ANKRD36C: variants seen among roughly 807,000 people sequenced by gnomAD.
The protein encoded by ANKRD36C is ankyrin repeat domain-containing protein 36C.
ANKRD36C carries 61 observed loss-of-function variants against 276.4 expected under a neutral mutation model. The ratio of observed to expected loss-of-function variants is 0.22; its 90% CI spans 0.18 to 0.27. The LOEUF is 0.27. Ranked by LOEUF, ANKRD36C falls within the 10% of genes least tolerant of loss-of-function variation. The probability of loss-of-function intolerance (pLI) is 1.00; values close to 1 mark genes in which losing one functional copy is unlikely to be tolerated. For missense variants in ANKRD36C, 1,447 were observed against 2,032.3 expected (o/e 0.71, Z 5.54); for synonymous variants, 483 against 680.1 (o/e 0.71, Z 4.51).
At chr2:95,865,907 C>CA (rs1184534905) in intron 60 of ANKRD36C, among the ~76,000 whole-genome samples, 2 of 151,996 alleles carry the variant, frequency 1.3e-5, no homozygotes, top group East Asian at 3.9e-4. Flanking sequence ...GCTTTTGACT[C>CA]AAACACTGGG....
At chr2:95,932,668 G>C (rs1677601322) in intron 24 of ANKRD36C, among the ~76,000 whole-genome samples, 1 of 152,148 alleles carries the variant, frequency 6.6e-6, no homozygotes, top group Non-Finnish European at 1.5e-5. Flanking sequence ...GTCTTAAAAG[G>C]CTGTGTCTAC....
At chr2:95,925,606 C>T (rs1363571757) in intron 28 of ANKRD36C, 59 bp from the exon 29 acceptor site, 39 of 1,474,248 alleles carry the variant, frequency 2.6e-5, no homozygotes, top group Non-Finnish European at 3.5e-5. Flanking sequence ...GTCGTCCACA[C>T]ATTCATGCAG....
rs528266234 is a variant in ANKRD36C at position 95,934,887 on chromosome 2, A to T, written c.1735+567T>A. Among the ~76,000 whole-genome samples, 19 of 152,358 alleles carry T rather than the reference A, an allele frequency of 1.2e-4. No homozygotes were observed. The East Asian group carries it at 3.7e-3, about 30-fold the overall frequency. On this transcript the variant is annotated intron_variant, in intron 24 of 66. Coordinates refer to ENST00000456556, the Ensembl canonical transcript of ANKRD36C. ...AAAACCCTGTATCTACCAAAGAGTC[A>T]CCAAAAAATGATTAATGACTTTACT...
chr2:95,967,554 T>A (rs954483908), intron 6 of ANKRD36C, among the ~76,000 whole-genome samples: 1 of 152,094 alleles, frequency 6.6e-6, no homozygotes, highest in Non-Finnish European at 1.5e-5. Flanking sequence ...TGTCAATTAG[T>A]TCAACCATTG....
intron 34 of ANKRD36C, among the ~76,000 whole-genome samples, chr2:95,919,066 A>C (rs1309257555): frequency 7.3e-6 from 1 of 136,212 alleles, no homozygotes; most frequent in Non-Finnish European, 1.7e-5. Flanking sequence ...AGTAACAAAA[A>C]GGAGTAATGA....
chr2:95,980,576 A>G, intron 5 of ANKRD36C, 72 bp downstream of exon 5: 1 of 1,541,630 alleles, frequency 6.5e-7, no homozygotes, highest in Non-Finnish European at 8.8e-7. Context: ...CACCTGATAT[A>G]TAAGATGCAA....
chr2:95,884,182 A>G, exon 54 of ANKRD36C: 1 of 1,607,560 alleles, frequency 6.2e-7, no homozygotes, highest in African/African-American at 1.3e-5. Context: ...CCTGTCCCAG[A>G]TTTTTCTCCA....
At chr2:95,889,686 G>T (rs1676287453) in intron 48 of ANKRD36C, 113 bp downstream of exon 68, 1 of 1,388,258 alleles carries the variant, frequency 7.2e-7, no homozygotes, top group Non-Finnish European at 9.9e-7. Flanking sequence ...ATAATCTCAG[G>T]AATACTGAAT....
At chr2:95,892,372 T>C (rs1676394575) in intron 44 of ANKRD36C, among the ~76,000 whole-genome samples, 1 of 151,504 alleles carries the variant, frequency 6.6e-6, no homozygotes, top group African/African-American at 2.4e-5. Flanking sequence ...TCAGTGGAAG[T>C]GTGCTAAATT....
intron 63 of ANKRD36C, among the ~76,000 whole-genome samples, chr2:95,854,158 G>A (rs538826779): frequency 3.3e-5 from 5 of 151,886 alleles, no homozygotes; most frequent in South Asian, 2.1e-4. Context: ...AAAGAAATGA[G>A]TATGTGGGTG....
chr2:95,887,573 T>G (rs368381824), intron 50 of ANKRD36C, among the ~76,000 whole-genome samples: 1 of 151,752 alleles, frequency 6.6e-6, no homozygotes, highest in African/African-American at 2.4e-5. Flanking sequence ...AGCAGTATGA[T>G]GTGACATCTA....
rs1396712888 is a variant in ANKRD36C, at chr2:95,887,780, C to T, written c.3061+145G>A. 6 of 1,055,614 alleles carry T rather than the reference C, an allele frequency of 5.7e-6. No homozygotes were observed. The Admixed American group carries it at 1.2e-4, about 22-fold the overall frequency. 65.4% of individuals were successfully genotyped at this position (1,055,614 alleles called of 1,614,324 possible). A position where few individuals can be genotyped will look rare whatever the true frequency, so the allele number is the denominator to read the frequency against. On this transcript the variant is annotated intron_variant, in intron 50 of 66. Transcript: ENST00000456556. The stretch of plus-strand genomic sequence containing the variant: ...CCAAGACCAGCAGCATCAGCGTCAC[C>T]CAAGAACTTATTAAAAATGAAGAAT...
chr2:95,910,124 T>C lies in ANKRD36C; in HGVS notation c.2653+2120A>G, dbSNP rs545789246. Among the ~76,000 whole-genome samples, 634 of 151,276 alleles carry C rather than the reference T, an allele frequency of 4.2e-3. 3 individuals are homozygous for C. The highest frequency in any genetic ancestry group is 6.8e-3 in the Middle Eastern group (2 of 294). Reference sequence around the variant, plus strand: ...AACTATGCTGTTCCCCAGAGCCCCTTATGTCTTCAACTGCTCTCCATATAT... The same window carrying C: ...AACTATGCTGTTCCCCAGAGCCCCTCATGTCTTCAACTGCTCTCCATATAT... On this transcript the variant is annotated intron_variant, in intron 42 of 66. Transcript: ENST00000456556.
chr2:95,953,498 C>T (rs11683204), intron 14 of ANKRD36C, among the ~76,000 whole-genome samples: 49,126 of 151,520 alleles, frequency 0.32, 9,273 homozygotes, highest in East Asian at 0.48. Context: ...AAACTATATG[C>T]TATGTGTAAC....
At chr2:95,930,493 A>G (rs982662315) in intron 24 of ANKRD36C, among the ~76,000 whole-genome samples, 2 of 151,816 alleles carry the variant, frequency 1.3e-5, no homozygotes, top group East Asian at 1.9e-4. Flanking sequence ...TCCTGGATTC[A>G]GCAGTTCAAC....
At chr2:95,913,763 G>T (rs1254588624) in intron 40 of ANKRD36C, among the ~76,000 whole-genome samples, 2 of 151,404 alleles carry the variant, frequency 1.3e-5, no homozygotes, top group Non-Finnish European at 3.0e-5. Context: ...ATGATCTGAA[G>T]TGTGTAAATT....
At chr2:95,956,503 T>C (rs1293136996) in intron 13 of ANKRD36C, among the ~76,000 whole-genome samples, 2 of 152,026 alleles carry the variant, frequency 1.3e-5, no homozygotes, top group Non-Finnish European at 2.9e-5. Flanking sequence ...ATGAAGTGAT[T>C]AGAGAGCCAG....
chr2:95,962,192 A>T (rs1223851961), intron 8 of ANKRD36C, among the ~76,000 whole-genome samples, 160 bp downstream of exon 8: 1 of 152,072 alleles, frequency 6.6e-6, no homozygotes, highest in Admixed American at 6.6e-5. Flanking sequence ...GCCAAGGACC[A>T]GTAGCATCGG....
chr2:95,861,262 G>A (rs1480136431), intron 60 of ANKRD36C, among the ~76,000 whole-genome samples: 1 of 151,804 alleles, frequency 6.6e-6, no homozygotes, highest in East Asian at 1.9e-4. Flanking sequence ...AAAAACTATA[G>A]TGGATGGAAA....
Sources: allele counts gnomAD v4.1 joint callset (sites outside exome capture counted in the v4.1 genomes callset), GRCh38; gene constraint gnomAD v4.1.1; transcripts MANE v1.5; gene names NCBI Gene and HGNC (gene_info 2026-07-23, HGNC 2026-07-21).